The following RBM27 variants were observed in gnomAD, a reference collection of about 807,000 sequenced individuals.
The protein encoded by RBM27 is RNA-binding protein 27.
In RBM27, 22 loss-of-function variants were observed where a neutral mutation model predicts 135.3. That is an observed-to-expected ratio of 0.16 (90% CI 0.12 to 0.23). The LOEUF (loss-of-function observed/expected upper bound fraction) is 0.23, where lower values mean the gene tolerates loss of function less well. RBM27 is among the 10% of genes least tolerant of loss of function. RBM27 has a pLI of 1.00. For missense variants in RBM27, 1,009 were observed against 1,281.0 expected (o/e 0.79, Z 3.24); for synonymous variants, 481 against 442.4 (o/e 1.09, Z -1.10).
At position 146,233,783 on chromosome 5, in the gene RBM27, T is replaced by G. The variant is rs753905456; in HGVS notation, c.1144+40T>G. On this transcript the variant is annotated intron_variant, in intron 7 of 20. Coordinates refer to ENST00000265271, the MANE Select transcript of RBM27 (RefSeq NM_018989.2). ...GTTGAATTTTTCTCTAGCGTTCTGTTTAGAAGAACCTCATCCCTTTTAGCT... is the reference window on the plus strand; with the variant it reads ...GTTGAATTTTTCTCTAGCGTTCTGTGTAGAAGAACCTCATCCCTTTTAGCT... The G allele has an allele frequency of 6.0e-6, 8 of 1,327,062 alleles. No individual in the cohort carries two copies. In the African/African-American group the frequency reaches 1.0e-4, roughly 17 times the overall value. The allele number at this position is 1,327,062 out of a possible 1,614,324, so 82.2% of individuals were successfully genotyped here. A position where few individuals can be genotyped will look rare whatever the true frequency, so the allele number is the denominator to read the frequency against.
chr5:146,261,661 A>G lies in RBM27; in HGVS notation c.2045A>G (p.Gln682Arg), dbSNP rs772461843. 11 of 1,614,066 alleles carry G rather than the reference A, an allele frequency of 6.8e-6. No individual in the cohort carries two copies. In the East Asian group the frequency reaches 1.3e-4, roughly 20 times the overall value. Residue 682 changes from glutamine (Q) to arginine (R), a missense_variant, in exon 13 of 21, where the codon CAG becomes CGG. Gln to Arg is a conservative substitution (Grantham distance 43). Coordinates refer to ENST00000265271, the MANE Select transcript of RBM27 (RefSeq NM_018989.2). Reference protein sequence around the residue: ...HRENNEQPTLQSSAQLLLQQQ... With the variant: ...HRENNEQPTLRSSAQLLLQQQ... Reference sequence around the variant, plus strand: ...GAAAATAATGAGCAACCGACACTACAGTCCTCAGCACAGCTGCTCCTGCAA... The same window carrying G: ...GAAAATAATGAGCAACCGACACTACGGTCCTCAGCACAGCTGCTCCTGCAA...
chr5:146,274,847 C>T (rs987691926), intron 19 of RBM27, among the ~76,000 whole-genome samples: 5 of 151,814 alleles, frequency 3.3e-5, no homozygotes, highest in Non-Finnish European at 5.9e-5. Context: ...CAGAGATCAG[C>T]AGACTTTTTC....
rs746468915 is a variant in RBM27 at position 146,229,799 on chromosome 5, T to C, written c.478T>C (p.Tyr160His). The stretch of plus-strand genomic sequence containing the variant: ...GCGGAATGAATTGTACCGTGAGAAG[T>C]ATGACTGGAGAAGAGGCAGGAGTAA... ...YERNELYREK[Y>H]DWRRGRSKSR... The change falls in exon 5 of 21, where the codon TAT becomes CAT. Residue 160 changes from tyrosine (Y) to histidine (H), a missense_variant. By Grantham distance (83) the Tyr-to-His change is moderately conservative (BLOSUM62 2). This residue lies in a region of RBM27 where 268 missense variants were observed against 326.6 expected (regional missense o/e 0.82). Coordinates refer to ENST00000265271, the MANE Select transcript of RBM27 (RefSeq NM_018989.2). 4 of 1,613,582 alleles carry C rather than the reference T, an allele frequency of 2.5e-6. No homozygotes were observed. The African/African-American group carries it at 5.3e-5, about 22-fold the overall frequency.
intron 10 of RBM27, among the ~76,000 whole-genome samples, chr5:146,257,732 G>A (rs1470307168): frequency 1.3e-5 from 2 of 152,048 alleles, no homozygotes; most frequent in African/African-American, 4.8e-5. Flanking sequence ...CATACCAGGA[G>A]GCAAATAATG....
intron 13 of RBM27, among the ~76,000 whole-genome samples, chr5:146,262,715 T>C (rs1758450759): frequency 1.3e-5 from 2 of 152,220 alleles, no homozygotes; most frequent in African/African-American, 4.8e-5. Flanking sequence ...TTCCCCTAGA[T>C]GTTGGGTGAA....
intron 3 of RBM27, among the ~76,000 whole-genome samples, chr5:146,226,568 A>C (rs540453989): frequency 5.7e-4 from 87 of 151,896 alleles, no homozygotes; most frequent in African/African-American, 2.0e-3. Flanking sequence ...TTTAGTAGAG[A>C]TAGAGTTTCA....
In RBM27 at chr5:146,233,437, C is replaced by G; in HGVS notation, c.851-13C>G. The G allele has an allele frequency of 6.6e-7, 1 of 1,509,140 alleles. No individual in the cohort carries two copies. The highest frequency in any genetic ancestry group is 2.4e-5 in the East Asian group (1 of 41,462). 93.5% of individuals were successfully genotyped at this position (1,509,140 alleles called of 1,614,324 possible). ...ATGATAATAAGATTCTTTTTTTATT[C>G]TTTATTCCACAGAAAGAGGATTTTG... On this transcript the variant is annotated splice_polypyrimidine_tract_variant and intron_variant, in intron 6 of 20. Transcript: ENST00000265271.
rs115815524 is a variant in RBM27 at position 146,281,134 on chromosome 5, C to T, written c.2989-3488C>T. Among the ~76,000 whole-genome samples, 936 of 152,206 alleles carry T rather than the reference C, an allele frequency of 6.1e-3. 9 individuals are homozygous for T. Among genetic ancestry groups the T allele is most frequent in the African/African-American group, 0.021 (881 of 41,556 alleles). On this transcript the variant is annotated intron_variant, in intron 19 of 20. Transcript: ENST00000265271. ...CTAGGATGACAGGCGTGAGCCCCTG[C>T]GCCCAGCCTTTGCAGTCTATTTAAT...
At chr5:146,263,354 A>T (rs1160556913) in intron 13 of RBM27, 137 bp from the exon 14 acceptor site, 1 of 793,140 alleles carries the variant, frequency 1.3e-6, no homozygotes, top group Non-Finnish European at 1.9e-6. Context: ...TTAAAAAATA[A>T]AACCTTACGG....
intron 17 of RBM27, among the ~76,000 whole-genome samples, chr5:146,269,806 A>C (rs1758786062): frequency 1.3e-5 from 2 of 149,972 alleles, no homozygotes; most frequent in South Asian, 2.1e-4. Context: ...GTTGGCCTCA[A>C]ATGCAGTCCT....
At chr5:146,277,855 C>T (rs112761514) in intron 19 of RBM27, among the ~76,000 whole-genome samples, 17 of 151,944 alleles carry the variant, frequency 1.1e-4, no homozygotes, top group African/African-American at 4.1e-4. Context: ...TTATGTGGGA[C>T]AGTGCTGCAC....
intron 19 of RBM27, among the ~76,000 whole-genome samples, chr5:146,274,738 C>A (rs567468909): frequency 7.2e-5 from 11 of 152,040 alleles, no homozygotes; most frequent in Non-Finnish European, 1.3e-4. Flanking sequence ...AAAGCATATA[C>A]AAATTTAAAA....
At chr5:146,218,955 A>T (rs1197639600) in intron 1 of RBM27, 30 bp from the exon 2 acceptor site, 3 of 1,457,004 alleles carry the variant, frequency 2.1e-6, no homozygotes, top group South Asian at 2.5e-5. Flanking sequence ...AGTGTTTTTT[A>T]AAATTTTTGT....
intron 10 of RBM27, among the ~76,000 whole-genome samples, chr5:146,256,463 C>T (rs1178199038): frequency 6.6e-6 from 1 of 151,512 alleles, no homozygotes; most frequent in Non-Finnish European, 1.5e-5. Flanking sequence ...GATTCTCCCA[C>T]CTCAGCCTCC....
chr5:146,242,815 C>A (rs1403881361), intron 8 of RBM27, among the ~76,000 whole-genome samples: 1 of 151,904 alleles, frequency 6.6e-6, no homozygotes, highest in African/African-American at 2.4e-5. Context: ...CCAGGCTGGT[C>A]CCAAACTCCC....
At chr5:146,252,155 A>G (rs900076785) in intron 9 of RBM27, among the ~76,000 whole-genome samples, 3 of 152,244 alleles carry the variant, frequency 2.0e-5, no homozygotes, top group Non-Finnish European at 4.4e-5. Context: ...CTAATCAGGT[A>G]GATAGAAAGA....
chr5:146,219,027 A>C lies in RBM27; in HGVS notation c.102A>C (p.Ala34=). The change falls in exon 2 of 21, where the codon GCA becomes GCC. Residue 34 remains alanine, a synonymous_variant. Coordinates refer to ENST00000265271, the MANE Select transcript of RBM27 (RefSeq NM_018989.2). ...DPSALANYVV[A]LVKKDKPEKE... ...CAGCCTTAGCCAACTATGTTGTAGC[A>C]CTGGTCAAGAAGGACAAACCTGAGA... The C allele has an allele frequency of 6.2e-7, 1 of 1,613,506 alleles. No individual in the cohort carries two copies. Among genetic ancestry groups the C allele is most frequent in the Non-Finnish European group, 8.5e-7 (1 of 1,179,790 alleles).
At position 146,233,695 on chromosome 5, in the gene RBM27, C is replaced by T. The variant is rs1416683903; in HGVS notation, c.1096C>T (p.Pro366Ser). ...GPGHSMRLPV[P>S]QGHGQPPPSV... ...TGGCCATAGTATGAGACTTCCTGTT[C>T]CCCAAGGACATGGTCAGCCTCCACC... Residue 366 changes from proline to serine, a missense_variant, in exon 7 of 21, where the codon CCC becomes TCC. Physicochemically the swap from Pro to Ser is moderately conservative, Grantham distance 74 (BLOSUM62 -1). Around this residue, in one of 6 missense-constraint regions of RBM27, gnomAD observed 329 missense variants for 368.1 expected, o/e 0.89. Coordinates refer to ENST00000265271, the MANE Select transcript of RBM27 (RefSeq NM_018989.2). 5 of 1,499,266 alleles carry T rather than the reference C, an allele frequency of 3.3e-6. No homozygotes were observed. Among genetic ancestry groups the T allele is most frequent in the Non-Finnish European group, 1.8e-6 (2 of 1,127,492 alleles). 92.9% of individuals were successfully genotyped at this position (1,499,266 alleles called of 1,614,324 possible).
chr5:146,255,537 C>CACTT (rs1404225228), intron 10 of RBM27, among the ~76,000 whole-genome samples: 1 of 152,110 alleles, frequency 6.6e-6, no homozygotes, highest in Non-Finnish European at 1.5e-5. Flanking sequence ...TAATTTTTAA[C>CACTT]ACTTATAATT....
Sources: gnomAD v4.1 joint callset for allele counts (sites outside exome capture counted in the v4.1 genomes callset) on GRCh38, gnomAD v4.1.1 for gene constraint, gnomAD v4.1.1 regional missense constraint, MANE v1.5 for transcripts, NCBI Gene and HGNC (gene_info 2026-07-23, HGNC 2026-07-21) for gene names.